Variants in MACROD2 observed in about 807,000 individuals in gnomAD.
MACROD2 encodes ADP-ribose glycohydrolase MACROD2.
A neutral mutation model predicts 70.4 loss-of-function variants in MACROD2; 36 were observed. That is an observed-to-expected ratio of 0.51 (90% CI 0.39 to 0.68). The LOEUF (loss-of-function observed/expected upper bound fraction) is 0.68, where lower values mean the gene tolerates loss of function less well. Ranked by LOEUF, MACROD2 falls within the 30% of genes least tolerant of loss-of-function variation. The probability of loss-of-function intolerance (pLI) is 0.00; values close to 1 mark genes in which losing one functional copy is unlikely to be tolerated. For synonymous variants in MACROD2, 172 were observed against 178.8 expected (o/e 0.96, Z 0.30); for missense variants, 496 against 538.4 (o/e 0.92, Z 0.78).
At chr20:15,413,482 G>A (rs1228759866) in intron 6 of MACROD2, among the ~76,000 whole-genome samples, 2 of 152,190 alleles carry the variant, frequency 1.3e-5, no homozygotes, top group Non-Finnish European at 2.9e-5. Context: ...ATCATAACAA[G>A]GAAGGAGTGG....
chr20:14,304,682 A>G (rs527411253), intron 3 of MACROD2, among the ~76,000 whole-genome samples: 1 of 152,132 alleles, frequency 6.6e-6, no homozygotes, highest in Non-Finnish European at 1.5e-5. Context: ...TACTGGGTCA[A>G]TCCAGCCATC....
chr20:15,817,113 G>A (rs1387151337), intron 8 of MACROD2, among the ~76,000 whole-genome samples: 1 of 152,184 alleles, frequency 6.6e-6, no homozygotes, highest in Non-Finnish European at 1.5e-5. Flanking sequence ...ACTTTTATTG[G>A]TTGGTGTTTG....
intron 13 of MACROD2, among the ~76,000 whole-genome samples, chr20:15,986,180 T>C (rs2066480001): frequency 6.6e-6 from 1 of 152,202 alleles, no homozygotes. Flanking sequence ...TCCTTGTTTT[T>C]CTCTCAAAAC....
At chr20:14,214,522 T>A (rs2081598150) in intron 3 of MACROD2, among the ~76,000 whole-genome samples, 1 of 152,076 alleles carries the variant, frequency 6.6e-6, no homozygotes, top group Admixed American at 6.6e-5. Context: ...GACATTTAAT[T>A]TTTTTAACAT....
chr20:14,937,308 AGTG>A (rs372062847), intron 5 of MACROD2, among the ~76,000 whole-genome samples: 1 of 151,820 alleles, frequency 6.6e-6, no homozygotes, highest in Non-Finnish European at 1.5e-5. Flanking sequence ...GAGGAAAGGT[AGTG>A]GTGGTGGTGG....
intron 3 of MACROD2, among the ~76,000 whole-genome samples, chr20:14,127,135 G>A (rs1601253443): frequency 6.6e-6 from 1 of 152,170 alleles, no homozygotes; most frequent in East Asian, 1.9e-4. Flanking sequence ...AATTAAAAGT[G>A]CTACTCCAGT....
chr20:15,283,387 T>A (rs1236394198), intron 6 of MACROD2, among the ~76,000 whole-genome samples: 1 of 152,140 alleles, frequency 6.6e-6, no homozygotes, highest in Non-Finnish European at 1.5e-5. Flanking sequence ...AAAATACATA[T>A]CAAGGCCAGG....
At chr20:14,034,946 A>T (rs1188824118) in intron 2 of MACROD2, among the ~76,000 whole-genome samples, 1 of 152,062 alleles carries the variant, frequency 6.6e-6, no homozygotes, top group East Asian at 1.9e-4. Context: ...TTATGTGCTT[A>T]GATTATGTTT....
chr20:15,934,329 A>G (rs1757937702), intron 11 of MACROD2, among the ~76,000 whole-genome samples: 1 of 152,228 alleles, frequency 6.6e-6, no homozygotes, highest in Non-Finnish European at 1.5e-5. Flanking sequence ...AGCTTTTATT[A>G]TTAACCTGGA....
At position 14,684,873 on chromosome 20, in the gene MACROD2, C is replaced by T; in HGVS notation, c.332C>T (p.Pro111Leu). The T allele has an allele frequency of 1.2e-6, 2 of 1,613,978 alleles. No individual in the cohort carries two copies. The highest frequency in any genetic ancestry group is 1.7e-6 in the Non-Finnish European group (2 of 1,179,930). Residue 111 changes from proline to leucine, a missense_variant, in exon 5 of 18, where the codon CCC (proline) becomes CTC (leucine). By Grantham distance (98) the Pro-to-Leu change is moderately conservative (BLOSUM62 -3). Transcript: ENST00000684519. ...VDGCIHRAAGPCLLAECRNLN... is the reference protein window; with the variant it reads ...VDGCIHRAAGLCLLAECRNLN... The stretch of plus-strand genomic sequence containing the variant: ...GGCTGTATTCATAGAGCAGCCGGCC[C>T]CTGTTTGCTAGCTGAATGTCGTAAC...
At chr20:14,291,310 T>A (rs890418822) in intron 3 of MACROD2, among the ~76,000 whole-genome samples, 4 of 152,214 alleles carry the variant, frequency 2.6e-5, no homozygotes, top group Admixed American at 2.6e-4. Flanking sequence ...AGGGAGGGAT[T>A]ACTTTTAGCT....
chr20:15,395,083 T>C (rs2045843330), intron 6 of MACROD2, among the ~76,000 whole-genome samples: 1 of 152,268 alleles, frequency 6.6e-6, no homozygotes, highest in African/African-American at 2.4e-5. Context: ...GGAGAGAGGG[T>C]AAATGAAAGA....
intron 8 of MACROD2, among the ~76,000 whole-genome samples, chr20:15,805,634 G>A (rs1341243537): frequency 1.3e-5 from 2 of 152,016 alleles, no homozygotes; most frequent in African/African-American, 4.8e-5. Context: ...GTGCCACCAC[G>A]CCCAGCTAAT....
At chr20:14,469,310 T>C (rs1005214456) in intron 3 of MACROD2, among the ~76,000 whole-genome samples, 1 of 152,198 alleles carries the variant, frequency 6.6e-6, no homozygotes, top group Non-Finnish European at 1.5e-5. Flanking sequence ...GTTAGTCTGA[T>C]GTGCTTCACT....
intron 8 of MACROD2, among the ~76,000 whole-genome samples, chr20:15,676,242 G>A (rs75840831): frequency 0.025 from 3,759 of 152,112 alleles, 146 homozygotes; most frequent in African/African-American, 0.085. Context: ...ATGACACCAC[G>A]ACCTTCTAAC....
At chr20:15,709,595 A>G (rs2050594125) in intron 8 of MACROD2, among the ~76,000 whole-genome samples, 1 of 152,198 alleles carries the variant, frequency 6.6e-6, no homozygotes, top group South Asian at 2.1e-4. Flanking sequence ...TGAGCCCAGA[A>G]GTTGGAGGCT....
At chr20:15,577,537 G>C (rs2048465421) in intron 8 of MACROD2, among the ~76,000 whole-genome samples, 1 of 151,982 alleles carries the variant, frequency 6.6e-6, no homozygotes, top group South Asian at 2.1e-4. Flanking sequence ...GGCCATATTT[G>C]GGTATAAATC....
In MACROD2 at chr20:14,465,453, G is replaced by A. The variant is rs1247783474; in HGVS notation, c.272-28026G>A. Among the ~76,000 whole-genome samples the A allele has an allele frequency of 2.6e-5, 4 of 152,066 alleles. 1 individual carries two copies. The highest frequency in any genetic ancestry group is 9.7e-5 in the African/African-American group (4 of 41,348). On this transcript the variant is annotated intron_variant, in intron 3 of 17. Coordinates refer to ENST00000684519, the MANE Select transcript of MACROD2 (RefSeq NM_001351661.2). Reference sequence around the variant, plus strand: ...TTTCTGCACATGAGATGGGTTTCCTGAATACAGCACACTGATGGGTCTTGA... The same window carrying A: ...TTTCTGCACATGAGATGGGTTTCCTAAATACAGCACACTGATGGGTCTTGA...
chr20:15,650,752 A>G (rs375161428), intron 8 of MACROD2, among the ~76,000 whole-genome samples: 3 of 152,174 alleles, frequency 2.0e-5, no homozygotes, highest in African/African-American at 7.2e-5. Flanking sequence ...TCAATGAATT[A>G]AAATACAACC....
Sources: allele counts gnomAD v4.1 joint callset (sites outside exome capture counted in the v4.1 genomes callset), GRCh38; gene constraint gnomAD v4.1.1; transcripts MANE v1.5; gene names NCBI Gene and HGNC (gene_info 2026-07-23, HGNC 2026-07-21).